The following BTBD9 variants were observed in gnomAD, a reference collection of about 807,000 sequenced individuals.
BTBD9 encodes BTB domain containing 9, also known as BTB/POZ domain-containing protein 9.
BTBD9 carries 49 observed loss-of-function variants against 64.3 expected under a neutral mutation model. The observed-to-expected ratio is 0.76, with a 90% confidence interval of 0.61 to 0.97. The LOEUF (loss-of-function observed/expected upper bound fraction) is 0.97, where lower values mean the gene tolerates loss of function less well. BTBD9 is among the 50% of genes least tolerant of loss of function. The pLI is 0.00. For synonymous variants in BTBD9, 260 were observed against 274.7 expected, an observed-to-expected ratio of 0.95 and a Z score of 0.53; for missense variants, 598 against 762.1, an observed-to-expected ratio of 0.78 and a Z score of 2.53.
chr6:38,278,803 A>G (rs116869809), intron 8 of BTBD9, among the ~76,000 whole-genome samples: 2 of 152,358 alleles, frequency 1.3e-5, no homozygotes, highest in East Asian at 3.9e-4. Flanking sequence ...TAATGTGGCA[A>G]GGCAGGTAAT....
intron 6 of BTBD9, among the ~76,000 whole-genome samples, chr6:38,576,832 C>G (rs1250498601): frequency 6.6e-6 from 1 of 152,006 alleles, no homozygotes; most frequent in Non-Finnish European, 1.5e-5. Flanking sequence ...ATTTTGGGGG[C>G]CTTTAACCAC....
rs187773982 is a variant in BTBD9 at position 38,387,394 on chromosome 6, G to A, written c.1155-42301C>T. Among the ~76,000 whole-genome samples, 552 of 152,160 alleles carry A rather than the reference G, an allele frequency of 3.6e-3. 7 individuals carry two copies. Among genetic ancestry groups the A allele is most frequent in the African/African-American group, 0.013 (527 of 41,530 alleles). On this transcript the variant is annotated intron_variant, in intron 6 of 10. Transcript: ENST00000481247. Reference sequence around the variant, plus strand: ...TCTACTAAAAATACAAAAATTAGCCGGGTGTAGTGGCACATGCCTGTAATC... The same window carrying A: ...TCTACTAAAAATACAAAAATTAGCCAGGTGTAGTGGCACATGCCTGTAATC...
intron 8 of BTBD9, among the ~76,000 whole-genome samples, chr6:38,286,808 G>T (rs977240133): frequency 6.6e-6 from 1 of 152,042 alleles, no homozygotes; most frequent in Non-Finnish European, 1.5e-5. Context: ...TTGGCTGGGC[G>T]CCATGGCTCA....
chr6:38,470,199 C>T (rs981072080), intron 6 of BTBD9, among the ~76,000 whole-genome samples: 2 of 152,150 alleles, frequency 1.3e-5, no homozygotes, highest in African/African-American at 4.8e-5. Flanking sequence ...AGTTGTTAAA[C>T]GGGCTTTGTT....
intron 8 of BTBD9, among the ~76,000 whole-genome samples, chr6:38,265,978 T>A (rs1764959017): frequency 6.6e-6 from 1 of 152,234 alleles, no homozygotes; most frequent in African/African-American, 2.4e-5. Flanking sequence ...GAGTGTGGAA[T>A]GAATGGTGAA....
chr6:38,540,508 A>C (rs1489620492), intron 6 of BTBD9, among the ~76,000 whole-genome samples: 2 of 152,230 alleles, frequency 1.3e-5, no homozygotes, highest in Non-Finnish European at 2.9e-5. Flanking sequence ...ATTTTTATTT[A>C]AGATTGATAA....
intron 8 of BTBD9, 71 bp downstream of exon 8, chr6:38,288,201 A>G: frequency 6.9e-7 from 1 of 1,448,998 alleles, no homozygotes; most frequent in Non-Finnish European, 9.5e-7. Context: ...TAGGATTATC[A>G]TTTTACCAAA....
At chr6:38,583,606 C>G (rs994333517) in intron 4 of BTBD9, among the ~76,000 whole-genome samples, 2 of 152,208 alleles carry the variant, frequency 1.3e-5, no homozygotes, top group African/African-American at 2.4e-5. Context: ...TTCTTCAACA[C>G]TAAAACTTAT....
intron 6 of BTBD9, among the ~76,000 whole-genome samples, chr6:38,480,645 G>A (rs1427808518): frequency 6.6e-6 from 1 of 152,048 alleles, no homozygotes; most frequent in Admixed American, 6.6e-5. Flanking sequence ...TATAGAACAC[G>A]CCAAAACCCC....
chr6:38,406,003 A>G (rs1233493007), intron 6 of BTBD9, among the ~76,000 whole-genome samples: 1 of 152,210 alleles, frequency 6.6e-6, no homozygotes, highest in Non-Finnish European at 1.5e-5. Flanking sequence ...ACAGGATGTT[A>G]ATGAGCTATG....
chr6:38,287,139 CACACAT>C (rs1250053219), intron 8 of BTBD9, among the ~76,000 whole-genome samples: 1 of 142,632 alleles, frequency 7.0e-6, no homozygotes, highest in Non-Finnish European at 1.5e-5. Flanking sequence ...CACACACACA[CACACAT>C]ATAGCAGCCT....
intron 4 of BTBD9, among the ~76,000 whole-genome samples, chr6:38,580,778 T>C (rs1384440020): frequency 1.3e-5 from 2 of 152,190 alleles, no homozygotes; most frequent in Admixed American, 1.3e-4. Flanking sequence ...GTAATATTAG[T>C]ATCACAACCA....
rs1290565317 is a variant in BTBD9, at chr6:38,172,504, T to G, written c.*2481A>C. The G allele has an allele frequency of 2.6e-5, 4 of 152,326 alleles. No individual in the cohort carries two copies. The highest frequency in any genetic ancestry group is 9.6e-5 in the African/African-American group (4 of 41,456). 9.4% of individuals were successfully genotyped at this position (152,326 alleles called of 1,614,324 possible). ...GTTCCTGCCCCAGTCAGAAGGCCCC[T>G]CAGGGAAGGGCAGTACCCCTCCAGC... On this transcript the variant is annotated 3_prime_UTR_variant, in exon 11 of 11. Transcript: ENST00000481247.
intron 10 of BTBD9, among the ~76,000 whole-genome samples, chr6:38,176,039 A>T (rs1045947040): frequency 2.0e-5 from 3 of 152,274 alleles, no homozygotes; most frequent in African/African-American, 7.2e-5. Flanking sequence ...CACTGTGCAG[A>T]CAGGGCACAG....
intron 9 of BTBD9, among the ~76,000 whole-genome samples, chr6:38,197,495 G>A (rs950009926): frequency 9.2e-5 from 14 of 152,060 alleles, no homozygotes; most frequent in Admixed American, 8.5e-4. Flanking sequence ...TCATGCCTCC[G>A]GGGCCAGAAC....
intron 8 of BTBD9, among the ~76,000 whole-genome samples, chr6:38,283,094 T>C (rs1421227643): frequency 2.6e-5 from 4 of 152,202 alleles, no homozygotes; most frequent in Non-Finnish European, 4.4e-5. Context: ...GAGATCATGT[T>C]TGGAGTCTAC....
At position 38,248,932 on chromosome 6, in the gene BTBD9, G is replaced by A. The variant is rs1269432204; in HGVS notation, c.1562+7477C>T. Among the ~76,000 whole-genome samples the A allele has an allele frequency of 2.6e-5, 4 of 152,184 alleles. No homozygotes were observed. The East Asian group carries it at 5.8e-4, about 22-fold the overall frequency. On this transcript the variant is annotated intron_variant, in intron 9 of 10. Coordinates refer to ENST00000481247, the MANE Select transcript of BTBD9 (RefSeq NM_001099272.2). ...CATACCGAAGCAAACTGAGCAGGAT[G>A]AATGACAAATGACCCACATCCAGCC...
intron 6 of BTBD9, among the ~76,000 whole-genome samples, chr6:38,509,153 T>C (rs1190430996): frequency 6.6e-6 from 1 of 152,174 alleles, no homozygotes; most frequent in East Asian, 1.9e-4. Flanking sequence ...ATACCCAGCA[T>C]AGTGCTGACA....
chr6:38,361,097 C>G (rs908412904), intron 6 of BTBD9, among the ~76,000 whole-genome samples: 1 of 152,052 alleles, frequency 6.6e-6, no homozygotes, highest in Admixed American at 6.5e-5. Context: ...GGTTGTGTAT[C>G]AGAATCACCT....
Sources: allele counts gnomAD v4.1 joint callset (sites outside exome capture counted in the v4.1 genomes callset), GRCh38; gene constraint gnomAD v4.1.1; transcripts MANE v1.5; gene names NCBI Gene and HGNC (gene_info 2026-07-23, HGNC 2026-07-21).